The following AP3B1 variants were observed in gnomAD, a reference collection of about 807,000 sequenced individuals.
The protein encoded by AP3B1 is AP-3 complex subunit beta-1.
A neutral mutation model predicts 132.5 loss-of-function variants in AP3B1; 61 were observed. That is an observed-to-expected ratio of 0.46 (90% CI 0.37 to 0.57). The LOEUF is 0.57. Ranked by LOEUF, AP3B1 falls within the 20% of genes least tolerant of loss-of-function variation. The pLI, the probability that AP3B1 is intolerant of heterozygous loss-of-function variation, is 0.00. For missense variants in AP3B1, 1,120 were observed against 1,289.4 expected, an observed-to-expected ratio of 0.87 and a Z score of 2.01; for synonymous variants, 388 against 438.3, an observed-to-expected ratio of 0.89 and a Z score of 1.43.
rs942235223 is a variant in AP3B1, at chr5:78,177,996, A to G, written c.943-560T>C. ...TGGCAATATGTATGGCAGTGCTATG[A>G]AAAGAATACATCCTCAGAAAAAAAA... On this transcript the variant is annotated intron_variant, in intron 8 of 26. Transcript: ENST00000255194. Among the ~76,000 whole-genome samples, 13 of 152,174 alleles carry G rather than the reference A, an allele frequency of 8.5e-5. No homozygotes were observed. In the South Asian group the frequency reaches 1.0e-3, roughly 12 times the overall value.
In AP3B1 at chr5:78,294,554, T is replaced by C. The variant is rs868369063; in HGVS notation, c.26A>G (p.Asn9Ser). 11 of 1,614,220 alleles carry C rather than the reference T, an allele frequency of 6.8e-6. No individual in the cohort carries two copies. The highest frequency in any genetic ancestry group is 4.0e-5 in the African/African-American group (3 of 75,076). The change falls in exon 1 of 27, where the codon AAT becomes AGT. Residue 9 changes from asparagine to serine, a missense_variant. This residue lies in a region of AP3B1 where 85 missense variants were observed against 79.9 expected (regional missense o/e 1.06). Transcript: ENST00000255194. ...CGCCTCCCCTCCTCCGGACTGCTCA[T>C]TGTAAGGAAAACTATTGCTGGACAT... MSSNSFPYNEQSGGGEATE... is the reference protein window; with the variant it reads MSSNSFPYSEQSGGGEATE...
chr5:78,175,913 C>G lies in AP3B1; in HGVS notation c.1041-75G>C, dbSNP rs964546931. The G allele has an allele frequency of 5.3e-6, 6 of 1,128,466 alleles. No individual in the cohort carries two copies. In the Admixed American group the frequency reaches 8.6e-5, roughly 16 times the overall value. The allele number at this position is 1,128,466 out of a possible 1,614,324, so 69.9% of individuals were successfully genotyped here. A position where few individuals can be genotyped will look rare whatever the true frequency, so the allele number is the denominator to read the frequency against. On this transcript the variant is annotated intron_variant, in intron 9 of 26. Transcript: ENST00000255194. ...CTTTGAGTAAGCACTACAATAATGA[C>G]AAAGAATTAGCAATAATTTCAAGTG...
At chr5:78,012,355 G>A (rs1580236781) in intron 26 of AP3B1, among the ~76,000 whole-genome samples, 2 of 73,632 alleles carry the variant, frequency 2.7e-5, no homozygotes, top group African/African-American at 1.4e-4. Flanking sequence ...ACAAAAGTAC[G>A]TTTTATTAAC....
At chr5:78,012,279 T>C (rs995034969) in intron 26 of AP3B1, among the ~76,000 whole-genome samples, 6 of 151,950 alleles carry the variant, frequency 3.9e-5, no homozygotes, top group Admixed American at 3.3e-4. Flanking sequence ...TTAATTTATA[T>C]TATTATAATG....
chr5:78,160,822 T>C (rs1271377779), intron 13 of AP3B1, among the ~76,000 whole-genome samples: 1 of 152,030 alleles, frequency 6.6e-6, no homozygotes, highest in African/African-American at 2.4e-5. Context: ...CTAATTTTGA[T>C]ATAAATATTC....
At chr5:78,057,929 A>G (rs573013254) in intron 22 of AP3B1, among the ~76,000 whole-genome samples, 4 of 152,334 alleles carry the variant, frequency 2.6e-5, no homozygotes, top group African/African-American at 9.6e-5. Flanking sequence ...AAGCCTAGAT[A>G]AGAATAATTT....
downstream of AP3B1, chr5:78,002,275 A>T (rs1159816526): frequency 4.6e-6 from 1 of 219,764 alleles, no homozygotes; most frequent in African/African-American, 2.3e-5. Flanking sequence ...AAACTTTAGC[A>T]TATGAACTTC....
At chr5:78,082,399 G>C (rs1429566863) in intron 22 of AP3B1, among the ~76,000 whole-genome samples, 1 of 151,776 alleles carries the variant, frequency 6.6e-6, no homozygotes, top group Non-Finnish European at 1.5e-5. Flanking sequence ...AACATTTTCA[G>C]GATCATTATT....
intron 22 of AP3B1, among the ~76,000 whole-genome samples, chr5:78,083,164 T>C (rs1750090103): frequency 6.6e-6 from 1 of 152,136 alleles, no homozygotes; most frequent in African/African-American, 2.4e-5. Context: ...GATTTTTCCA[T>C]AAAAACATAA....
At chr5:78,196,459 T>C (rs1420080694) in intron 7 of AP3B1, among the ~76,000 whole-genome samples, 1 of 152,178 alleles carries the variant, frequency 6.6e-6, no homozygotes, top group Non-Finnish European at 1.5e-5. Flanking sequence ...AAAGGCAACT[T>C]TGCAGTTTCT....
At chr5:78,049,896 A>G (rs1229022250) in intron 22 of AP3B1, among the ~76,000 whole-genome samples, 1 of 152,200 alleles carries the variant, frequency 6.6e-6, no homozygotes, top group Non-Finnish European at 1.5e-5. Context: ...AAACCTGCAC[A>G]TGTACCCCTG....
intron 11 of AP3B1, among the ~76,000 whole-genome samples, chr5:78,171,362 A>T (rs891486901): frequency 1.3e-5 from 2 of 152,238 alleles, no homozygotes; most frequent in African/African-American, 2.4e-5. Flanking sequence ...CTTCCTATCC[A>T]TGAGCGTGAA....
rs116854543 is a variant in AP3B1 at position 78,065,482 on chromosome 5, G to A, written c.2577+23911C>T. On this transcript the variant is annotated intron_variant, in intron 22 of 26. Transcript: ENST00000255194. ...GCTGCCGTTTTCCCCTGCCAGTGCC[G>A]GGGAGACTGGGCGGTTTGGACCCCG... Among the ~76,000 whole-genome samples, 96 of 152,258 alleles carry A rather than the reference G, an allele frequency of 6.3e-4. 5 individuals are homozygous for A. The East Asian group carries it at 0.014, about 21-fold the overall frequency.
rs553104890 is a variant in AP3B1 at position 78,116,672 on chromosome 5, T to C, written c.1969-438A>G. On this transcript the variant is annotated intron_variant, in intron 17 of 26. Transcript: ENST00000255194. Reference sequence around the variant, plus strand: ...TGTAGGCAATAAATTGCCCTAACCATCTCAACAGCCTAAATCCTGGAGTAA... The same window carrying C: ...TGTAGGCAATAAATTGCCCTAACCACCTCAACAGCCTAAATCCTGGAGTAA... 3.8e-3 allele frequency among the ~76,000 whole-genome samples: 572 copies of C among 151,898 alleles called. 4 individuals are homozygous for C. Among genetic ancestry groups the C allele is most frequent in the Middle Eastern group, 0.021 (6 of 292 alleles).
chr5:78,222,805 T>TA (rs987551360), intron 6 of AP3B1, among the ~76,000 whole-genome samples: 3 of 150,696 alleles, frequency 2.0e-5, no homozygotes, highest in East Asian at 2.0e-4. Flanking sequence ...TACCATACAT[T>TA]AAAAAAAAGA....
chr5:78,050,365 T>C (rs1426978864), intron 22 of AP3B1, among the ~76,000 whole-genome samples: 1 of 152,222 alleles, frequency 6.6e-6, no homozygotes. Flanking sequence ...AATTTTACCC[T>C]TTCTCAGAAC....
At chr5:78,084,409 A>T (rs969004490) in intron 22 of AP3B1, among the ~76,000 whole-genome samples, 1 of 151,518 alleles carries the variant, frequency 6.6e-6, no homozygotes, top group African/African-American at 2.4e-5. Context: ...CTGTAGTCCC[A>T]GCTACTCAGG....
chr5:78,070,005 T>G (rs1330417793), intron 22 of AP3B1, among the ~76,000 whole-genome samples: 2 of 152,104 alleles, frequency 1.3e-5, no homozygotes, highest in East Asian at 3.9e-4. Flanking sequence ...TAGGGAAAGA[T>G]TCCCTATTTA....
At chr5:78,107,190 A>C (rs920487772) in intron 20 of AP3B1, among the ~76,000 whole-genome samples, 3 of 152,230 alleles carry the variant, frequency 2.0e-5, no homozygotes, top group Non-Finnish European at 4.4e-5. Context: ...TGAAAGGTCA[A>C]AAAAGTAAGA....
Sources: allele counts gnomAD v4.1 joint callset (sites outside exome capture counted in the v4.1 genomes callset), GRCh38; gene constraint gnomAD v4.1.1; regional missense constraint gnomAD v4.1.1; transcripts MANE v1.5; gene names NCBI Gene and HGNC (gene_info 2026-07-23, HGNC 2026-07-21).